NIPAL1: variants seen among roughly 807,000 people sequenced by gnomAD.
NIPAL1 encodes magnesium transporter NIPA3.
A neutral mutation model predicts 37.7 loss-of-function variants in NIPAL1; 35 were observed. The ratio of observed to expected loss-of-function variants is 0.93; its 90% CI spans 0.71 to 1.23. The LOEUF (loss-of-function observed/expected upper bound fraction) is 1.23, where lower values mean the gene tolerates loss of function less well. Among genes scored for constraint, NIPAL1 ranks in the 50% most tolerant of loss-of-function variants. NIPAL1 has a pLI of 0.00. For synonymous variants in NIPAL1, 162 were observed against 183.0 expected (o/e 0.89, Z 0.93); for missense variants, 412 against 473.9 (o/e 0.87, Z 1.21).
chr4:48,027,302 G>T lies in NIPAL1; in HGVS notation c.313+1968G>T, dbSNP rs1401141150. ...TATAAACAAGAAACAAACAAAATAAGAAATGCAAATGACCAATAAACATAC... is the reference window on the plus strand; with the variant it reads ...TATAAACAAGAAACAAACAAAATAATAAATGCAAATGACCAATAAACATAC... On this transcript the variant is annotated intron_variant, in intron 2 of 5. Transcript: ENST00000295461. This position sits in a 1 kb window ranked among gnomAD's most constrained non-coding sequence, Gnocchi z 4.1. Among the ~76,000 whole-genome samples the T allele has an allele frequency of 1.3e-5, 2 of 152,022 alleles. No homozygotes were observed. Among genetic ancestry groups the T allele is most frequent in the African/African-American group, 4.8e-5 (2 of 41,398 alleles).
intron 4 of NIPAL1, 88 bp from the exon 5 acceptor site, chr4:48,034,793 G>A: frequency 1.1e-6 from 1 of 928,348 alleles, no homozygotes. Context: ...GATACATGGT[G>A]GCATGTACCA....
Position 48,030,161 on chromosome 4 carries a change from G to A in NIPAL1, c.355G>A (p.Val119Ile), listed in dbSNP as rs770362129. 3.1e-6 allele frequency: 5 copies of A among 1,598,196 alleles called. No individual in the cohort carries two copies. The South Asian group carries it at 3.3e-5, about 11-fold the overall frequency. Residue 119 changes from valine (V) to isoleucine (I), a missense_variant, in exon 3 of 6, where the codon GTA (valine) becomes ATA (isoleucine). Val to Ile is a conservative substitution (Grantham distance 29, BLOSUM62 3). Coordinates refer to ENST00000295461, the MANE Select transcript of NIPAL1 (RefSeq NM_207330.3). ...HSYLKEWLWWVGLLSMGAGEA... is the reference protein window; with the variant it reads ...HSYLKEWLWWIGLLSMGAGEA... ...TTACCTGAAGGAATGGCTCTGGTGG[G>A]TAGGATTGCTGTCAAGTAAGTTTTT...
At chr4:48,026,198 T>C (rs1041341815) in intron 2 of NIPAL1, among the ~76,000 whole-genome samples, 3 of 152,204 alleles carry the variant, frequency 2.0e-5, no homozygotes, top group African/African-American at 7.2e-5. Flanking sequence ...TGGCACCTAA[T>C]AGATATTTAT....
At chr4:48,025,508 T>C (rs187273819) in intron 2 of NIPAL1, among the ~76,000 whole-genome samples, 174 bp downstream of exon 2, 49 of 152,306 alleles carry the variant, frequency 3.2e-4, no homozygotes, top group African/African-American at 1.1e-3. Context: ...AGAAAACTCA[T>C]GGTTAATGAA....
rs1168360871 is a variant in NIPAL1, at chr4:48,035,785, A to G, written c.846A>G (p.Val282=). The change falls in exon 6 of 6, where the codon GTA becomes GTG. Residue 282 remains valine, a synonymous_variant. Transcript: ENST00000295461. ...CGCTGGTCTTTGTTTTGCTGGCTGT[A>G]CTTGTGCTTTCAGTAACTACACAGA... is the stretch of plus-strand genomic sequence containing the variant. ...KHPLVFVLLA[V]LVLSVTTQIN... 2 of 1,614,094 alleles carry G rather than the reference A, an allele frequency of 1.2e-6. No individual in the cohort carries two copies. Among genetic ancestry groups the G allele is most frequent in the Middle Eastern group, 1.6e-4 (1 of 6,084 alleles).
At chr4:48,023,247 A>T (rs777733365) in intron 1 of NIPAL1, among the ~76,000 whole-genome samples, 1 of 152,144 alleles carries the variant, frequency 6.6e-6, no homozygotes, top group Non-Finnish European at 1.5e-5. Context: ...TCATTTTCAA[A>T]TTACAGAGAT....
chr4:48,017,005 TTCAC>T (rs1715432250), intron 1 of NIPAL1, 120 bp downstream of exon 1: 1 of 779,286 alleles, frequency 1.3e-6, no homozygotes, highest in South Asian at 1.8e-5. Context: ...AACGTAGTCG[TTCAC>T]TCATTCATTC....
intron 1 of NIPAL1, among the ~76,000 whole-genome samples, chr4:48,020,450 A>G (rs1715546832): frequency 6.6e-6 from 1 of 152,202 alleles, no homozygotes; most frequent in African/African-American, 2.4e-5. Context: ...GGTATATCAC[A>G]TATTCTTGCT....
At chr4:48,028,376 T>C (rs902662773) in intron 2 of NIPAL1, among the ~76,000 whole-genome samples, 2 of 152,014 alleles carry the variant, frequency 1.3e-5, no homozygotes, top group Admixed American at 1.3e-4. Context: ...GAACCATATA[T>C]AGAAGAACGA....
rs1242456739 is a variant in NIPAL1, at chr4:48,036,176, C to G, written c.*4C>G. The G allele has an allele frequency of 6.3e-7, 1 of 1,587,738 alleles. No individual in the cohort carries two copies. The highest frequency in any genetic ancestry group is 1.4e-5 in the African/African-American group (1 of 73,000). On this transcript the variant is annotated 3_prime_UTR_variant, in exon 6 of 6. Transcript: ENST00000295461. ...GTTTAGTAGAACTGATGACTGAAGT[C>G]TCTAGAAACACTGAGTTTTAACCAA...
At position 48,036,203 on chromosome 4, in the gene NIPAL1, A is replaced by G. The variant is rs1164656448; in HGVS notation, c.*31A>G. ...CTAGAAACACTGAGTTTTAACCAATATGAGACACACGAAGAGGAAAATGAA... is the reference window on the plus strand; with the variant it reads ...CTAGAAACACTGAGTTTTAACCAATGTGAGACACACGAAGAGGAAAATGAA... On this transcript the variant is annotated 3_prime_UTR_variant, in exon 6 of 6. Transcript: ENST00000295461. 2 of 1,551,402 alleles carry G rather than the reference A, an allele frequency of 1.3e-6. No homozygotes were observed. Among genetic ancestry groups the G allele is most frequent in the Admixed American group, 2.3e-5 (1 of 43,516 alleles).
rs373210422 is a variant in NIPAL1, at chr4:48,027,774, C to T, written c.314-2346C>T. On this transcript the variant is annotated intron_variant, in intron 2 of 5. Transcript: ENST00000295461. The surrounding 1 kb of genome is among the most constrained non-coding windows in gnomAD (Gnocchi z 4.1). ...TACCTTAAAAACATTTTGTCCTTTT[C>T]AGTAGACAAAACAGAAACTTGATTT... 2.6e-5 allele frequency among the ~76,000 whole-genome samples: 4 copies of T among 152,282 alleles called. No individual in the cohort carries two copies. In the East Asian group the frequency reaches 7.7e-4, roughly 29 times the overall value.
At chr4:48,030,008 A>G (rs1715784904) in intron 2 of NIPAL1, 112 bp from the exon 3 acceptor site, 7 of 586,724 alleles carry the variant, frequency 1.2e-5, no homozygotes, top group Non-Finnish European at 6.2e-6. Flanking sequence ...CTTTAGATTT[A>G]CTGACTTAAC....
intron 3 of NIPAL1, 54 bp from the exon 4 acceptor site, chr4:48,032,939 C>A: frequency 8.0e-7 from 1 of 1,251,112 alleles, no homozygotes; most frequent in Non-Finnish European, 1.2e-6. Context: ...ATTTGTTTTT[C>A]TCTTCTGACA....
At position 48,025,428 on chromosome 4, in the gene NIPAL1, T is replaced by C. The variant is rs1715666571; in HGVS notation, c.313+94T>C. ...CAATACTCTTATAAACTTGCTTGTGTAATTATAGTTATTGATTTTTTTTCC... is the reference window on the plus strand; with the variant it reads ...CAATACTCTTATAAACTTGCTTGTGCAATTATAGTTATTGATTTTTTTTCC... On this transcript the variant is annotated intron_variant, in intron 2 of 5. Coordinates refer to ENST00000295461, the MANE Select transcript of NIPAL1 (RefSeq NM_207330.3). The C allele has an allele frequency of 2.4e-6, 3 of 1,225,028 alleles. No individual in the cohort carries two copies. In the Admixed American group the frequency reaches 7.0e-5, roughly 28 times the overall value. 75.9% of individuals were successfully genotyped at this position (1,225,028 alleles called of 1,614,324 possible). A position where few individuals can be genotyped will look rare whatever the true frequency, so the allele number is the denominator to read the frequency against.
Position 48,036,223 on chromosome 4 carries a change from A to G in NIPAL1, c.*51A>G, listed in dbSNP as rs780048101. 2 of 1,493,470 alleles carry G rather than the reference A, an allele frequency of 1.3e-6. No individual in the cohort carries two copies. Among genetic ancestry groups the G allele is most frequent in the Admixed American group, 4.9e-5 (2 of 40,866 alleles). The allele number at this position is 1,493,470 out of a possible 1,614,324, so 92.5% of individuals were successfully genotyped here. ...CCAATATGAGACACACGAAGAGGAA[A>G]ATGAATGCTTGCTTCTTGGAAGAAC... is the stretch of plus-strand genomic sequence containing the variant. On this transcript the variant is annotated 3_prime_UTR_variant, in exon 6 of 6. Transcript: ENST00000295461.
At chr4:48,032,153 G>A (rs1715836623) in intron 3 of NIPAL1, among the ~76,000 whole-genome samples, 1 of 152,178 alleles carries the variant, frequency 6.6e-6, no homozygotes, top group Non-Finnish European at 1.5e-5. Context: ...GGGGGATGTA[G>A]CGTAGCAGCC....
intron 3 of NIPAL1, 48 bp from the exon 4 acceptor site, chr4:48,032,945 T>C (rs1715854023): frequency 7.4e-7 from 1 of 1,343,950 alleles, no homozygotes; most frequent in African/African-American, 1.4e-5. Flanking sequence ...TTTTCTCTTC[T>C]GACAAGTAAG....
intron 4 of NIPAL1, 66 bp downstream of exon 4, chr4:48,033,149 A>ATTATGGTT: frequency 2.0e-6 from 2 of 982,166 alleles, no homozygotes; most frequent in Non-Finnish European, 3.2e-6. Flanking sequence ...TTAAACCATA[A>ATTATGGTT]TAAACATATG....
Sources: allele counts gnomAD v4.1 joint callset (sites outside exome capture counted in the v4.1 genomes callset), GRCh38; gene constraint gnomAD v4.1.1; non-coding constraint Gnocchi (gnomAD v3.1); transcripts MANE v1.5; gene names NCBI Gene and HGNC (gene_info 2026-07-23, HGNC 2026-07-21).